Variants in LZTFL1 observed in about 807,000 individuals in gnomAD.
LZTFL1 encodes the protein leucine zipper transcription factor-like protein 1.
In LZTFL1, 25 loss-of-function variants were observed where a neutral mutation model predicts 45.9. The ratio of observed to expected loss-of-function variants is 0.54; its 90% CI spans 0.40 to 0.76. The LOEUF is 0.76. Among genes scored for constraint, LZTFL1 ranks in the 30% least tolerant of loss-of-function variants. LZTFL1 has a pLI of 0.00. For synonymous variants in LZTFL1, 93 were observed against 117.4 expected, an observed-to-expected ratio of 0.79 and a Z score of 1.35; for missense variants, 277 against 331.1, an observed-to-expected ratio of 0.84 and a Z score of 1.27.
intron 4 of LZTFL1, among the ~76,000 whole-genome samples, chr3:45,848,285 A>G (rs1701250077): frequency 6.6e-6 from 1 of 152,208 alleles, no homozygotes; most frequent in Non-Finnish European, 1.5e-5. Context: ...TCTTTTTTAC[A>G]ATGGTCCTTA....
chr3:45,864,316 A>C (rs1701543079), intron 2 of LZTFL1, among the ~76,000 whole-genome samples: 1 of 152,204 alleles, frequency 6.6e-6, no homozygotes, highest in African/African-American at 2.4e-5. Flanking sequence ...AATACGTGAT[A>C]CCTGATTTAA....
At chr3:45,904,060 G>A (rs1485367081) in intron 2 of LZTFL1, among the ~76,000 whole-genome samples, 1 of 152,216 alleles carries the variant, frequency 6.6e-6, no homozygotes, top group Non-Finnish European at 1.5e-5. Flanking sequence ...ACACAGGGCA[G>A]CCTCACCAGG....
At chr3:45,898,228 G>A (rs1702431485) in intron 2 of LZTFL1, among the ~76,000 whole-genome samples, 1 of 152,030 alleles carries the variant, frequency 6.6e-6, no homozygotes, top group Non-Finnish European at 1.5e-5. Flanking sequence ...TTCACTCAAA[G>A]TCCACTCAAA....
chr3:45,836,094 A>C (rs1700959607), intron 2 of LZTFL1, among the ~76,000 whole-genome samples: 1 of 152,160 alleles, frequency 6.6e-6, no homozygotes, highest in South Asian at 2.1e-4. Flanking sequence ...AACTCCACTG[A>C]AATCAGTCTT....
intron 8 of LZTFL1, 119 bp downstream of exon 8, chr3:45,828,320 G>A: frequency 1.2e-6 from 1 of 864,320 alleles, no homozygotes; most frequent in East Asian, 2.5e-5. Context: ...CTAATACCTT[G>A]AGAAAAAATA....
chr3:45,866,222 T>C (rs1350747281), intron 2 of LZTFL1, among the ~76,000 whole-genome samples: 1 of 152,204 alleles, frequency 6.6e-6, no homozygotes, highest in Non-Finnish European at 1.5e-5. Flanking sequence ...GTGCTAATGA[T>C]TGATCCGGTG....
At position 45,890,253 on chromosome 3, in the gene LZTFL1, T is replaced by TTAGAAATATATATATATATTTA. The variant is rs1450993731; in HGVS notation, c.-215+22866_-215+22867insTAAATATATATATATATTTCTA. 1.2e-3 allele frequency among the ~76,000 whole-genome samples: 2 copies of TTAGAAATATATATATATATTTA among 1,716 alleles called. 1 individual carries two copies. Among genetic ancestry groups the TTAGAAATATATATATATATTTA allele is most frequent in the African/African-American group, 1.5e-3 (2 of 1,326 alleles). The allele number at this position is 1,716 out of a possible 152,430, so 1.1% of individuals were successfully genotyped here. On this transcript the variant is annotated intron_variant, in intron 2 of 4. Coordinates refer to the LZTFL1 transcript ENST00000472635. ...AAGGAGGTGACATAAGCCCTGGGTA[T>TTAGAAATATATATATATATTTA]TAGAAATATATATATAACATATATA...
At chr3:45,914,925 T>C (rs1158574424) in intron 1 of LZTFL1, among the ~76,000 whole-genome samples, 1 of 152,190 alleles carries the variant, frequency 6.6e-6, no homozygotes, top group Non-Finnish European at 1.5e-5. Flanking sequence ...GGGTTCCACA[T>C]AGGAACCCTG....
At chr3:45,886,382 A>G (rs1701981945) in intron 2 of LZTFL1, 1 of 152,228 alleles carries the variant, frequency 6.6e-6, no homozygotes, top group Non-Finnish European at 1.5e-5. Flanking sequence ...TTATCCCAGC[A>G]GTTTTCAGCT....
At chr3:45,884,057 C>G (rs1701915337) in intron 2 of LZTFL1, 2 of 184,478 alleles carry the variant, frequency 1.1e-5, no homozygotes, top group East Asian at 1.4e-4. Context: ...CTCGCAGGAA[C>G]AGAGCTCAGC....
chr3:45,908,896 CAGG>C (rs780012958), intron 2 of LZTFL1, among the ~76,000 whole-genome samples: 1 of 152,190 alleles, frequency 6.6e-6, no homozygotes, highest in African/African-American at 2.4e-5. Context: ...CCAGGCTGCA[CAGG>C]AGGAGGTGAG....
intron 2 of LZTFL1, chr3:45,902,923 C>G (rs1259169084): frequency 2.4e-5 from 4 of 167,046 alleles, no homozygotes; most frequent in African/African-American, 7.2e-5. Flanking sequence ...TTCTCCTTTT[C>G]TTACTCTATA....
chr3:45,848,095 G>A (rs141146648), intron 4 of LZTFL1, among the ~76,000 whole-genome samples: 1 of 152,066 alleles, frequency 6.6e-6, no homozygotes, highest in African/African-American at 2.4e-5. Context: ...TTTTCTTTAA[G>A]TTTTCATATA....
At chr3:45,902,162 C>T (rs1044541340) in intron 2 of LZTFL1, 1 of 356,672 alleles carries the variant, frequency 2.8e-6, no homozygotes. Flanking sequence ...GTGGAGCACC[C>T]TGGCTTTGCC....
chr3:45,910,998 A>G (rs550968840), intron 2 of LZTFL1, among the ~76,000 whole-genome samples: 2 of 152,270 alleles, frequency 1.3e-5, no homozygotes, highest in East Asian at 3.9e-4. Flanking sequence ...GCTGCCATGC[A>G]GGGCCCCAGC....
At chr3:45,844,004 T>C (rs1701178533), upstream of LZTFL1, among the ~76,000 whole-genome samples, 1 of 152,216 alleles carries the variant, frequency 6.6e-6, no homozygotes, top group African/African-American at 2.4e-5. Flanking sequence ...TGTATGTGTG[T>C]GTGTAAATTT....
In LZTFL1 at chr3:45,890,953, G is replaced by A. The variant is rs72884918; in HGVS notation, c.-215+22167C>T. Among the ~76,000 whole-genome samples, 1,371 of 152,286 alleles carry A rather than the reference G, an allele frequency of 9.0e-3. 21 individuals carry two copies. Among genetic ancestry groups the A allele is most frequent in the African/African-American group, 0.031 (1,299 of 41,556 alleles). ...AAGAAAATAAAAGTTCAAAGTGTAC[G>A]AATGCATAGAAACACGGCTGGGAGG... On this transcript the variant is annotated intron_variant, in intron 2 of 4. Coordinates refer to the LZTFL1 transcript ENST00000472635.
intron 1 of LZTFL1, among the ~76,000 whole-genome samples, chr3:45,913,548 A>C (rs895112545): frequency 2.6e-5 from 4 of 152,220 alleles, no homozygotes; most frequent in African/African-American, 9.7e-5. Flanking sequence ...GATAAACATA[A>C]ATGATACTTT....
intron 1 of LZTFL1, chr3:45,915,351 C>T (rs535501827): frequency 1.4e-4 from 51 of 360,364 alleles, no homozygotes; most frequent in South Asian, 8.9e-4. Context: ...CGCCCACCTC[C>T]GCCCCACCCT....
Sources: gnomAD v4.1 joint callset for allele counts (sites outside exome capture counted in the v4.1 genomes callset) on GRCh38, gnomAD v4.1.1 for gene constraint, MANE v1.5 for transcripts, NCBI Gene and HGNC (gene_info 2026-07-23, HGNC 2026-07-21) for gene names.